Variants in KHDRBS3 observed in about 807,000 individuals in gnomAD.
KHDRBS3 encodes KH domain-containing, RNA-binding, signal transduction-associated protein 3.
Under a neutral mutation model 45.6 loss-of-function variants are expected in KHDRBS3, and 23 were observed. The observed-to-expected ratio is 0.50, with a 90% confidence interval of 0.36 to 0.72. The LOEUF is 0.72. Among genes scored for constraint, KHDRBS3 ranks in the 30% least tolerant of loss-of-function variants. KHDRBS3 has a pLI of 0.00. For synonymous variants in KHDRBS3, 162 were observed against 156.5 expected (o/e 1.04, Z -0.26); for missense variants, 352 against 424.8 (o/e 0.83, Z 1.51).
chr8:135,515,345 G>C (rs935673066), intron 1 of KHDRBS3, among the ~76,000 whole-genome samples: 2 of 108,272 alleles, frequency 1.8e-5, no homozygotes, highest in South Asian at 3.4e-4. Flanking sequence ...CAGCCTGGGC[G>C]ACAGAGCGAG....
intron 2 of KHDRBS3, chr8:135,538,430 G>A (rs1188505604): frequency 6.6e-6 from 1 of 152,148 alleles, no homozygotes; most frequent in Non-Finnish European, 1.5e-5. Context: ...TCCTCTGTGA[G>A]TCTTATCTAA....
intron 1 of KHDRBS3, among the ~76,000 whole-genome samples, chr8:135,503,196 T>A (rs927546292): frequency 6.6e-6 from 1 of 152,244 alleles, no homozygotes; most frequent in Non-Finnish European, 1.5e-5. Flanking sequence ...AATATACTTG[T>A]GTATAATATA....
intron 5 of KHDRBS3, among the ~76,000 whole-genome samples, chr8:135,558,207 A>G (rs957552525): frequency 1.1e-4 from 16 of 152,152 alleles, no homozygotes; most frequent in Non-Finnish European, 1.8e-4. Context: ...GCATCTGTAA[A>G]TTCCTGAGCT....
At chr8:135,535,696 G>A (rs111713299) in intron 2 of KHDRBS3, among the ~76,000 whole-genome samples, 40 of 152,186 alleles carry the variant, frequency 2.6e-4, no homozygotes, top group African/African-American at 8.9e-4. Flanking sequence ...TTAAATACCA[G>A]AAGGTATCCC....
chr8:135,598,272 A>G (rs192311330), intron 6 of KHDRBS3, among the ~76,000 whole-genome samples: 2 of 152,362 alleles, frequency 1.3e-5, no homozygotes, highest in Non-Finnish European at 2.9e-5. Context: ...TTCAGCTAAA[A>G]CAAAACTACC....
intron 7 of KHDRBS3, among the ~76,000 whole-genome samples, chr8:135,639,195 A>AT (rs748243398): frequency 1.5e-4 from 23 of 152,134 alleles, no homozygotes; most frequent in Non-Finnish European, 3.1e-4. Flanking sequence ...AAGAGGAGTA[A>AT]TGGTGGTGAT....
At chr8:135,538,577 A>C (rs1825885439) in intron 2 of KHDRBS3, 1 of 152,168 alleles carries the variant, frequency 6.6e-6, no homozygotes, top group African/African-American at 2.4e-5. Context: ...CGTGCTTAAC[A>C]CTTTATCTGA....
At chr8:135,478,453 T>G (rs1201901583) in intron 1 of KHDRBS3, among the ~76,000 whole-genome samples, 3 of 152,182 alleles carry the variant, frequency 2.0e-5, no homozygotes, top group Admixed American at 6.5e-5. Context: ...AATAGTAGAT[T>G]TGAACAACAT....
chr8:135,653,079 C>T (rs1433608250), intron 4 of KHDRBS3, among the ~76,000 whole-genome samples: 1 of 152,096 alleles, frequency 6.6e-6, no homozygotes, highest in Non-Finnish European at 1.5e-5. Flanking sequence ...TGTCTGCTGC[C>T]TAACACAGGT....
rs59502823 is a variant in KHDRBS3 at position 135,515,365 on chromosome 8, TAAAAAAAAAAAAAAAAA to T, written c.89-5851_89-5835del. Among the ~76,000 whole-genome samples the T allele has an allele frequency of 1.4e-3, 56 of 39,740 alleles. 1 individual carries two copies. Among genetic ancestry groups the T allele is most frequent in the Middle Eastern group, 0.016 (1 of 62 alleles). 26.1% of individuals were successfully genotyped at this position (39,740 alleles called of 152,430 possible). On this transcript the variant is annotated intron_variant, in intron 1 of 8. Transcript: ENST00000355849. ...TGGGCGACAGAGCGAGACTCCGTCTTAAAAAAAAAAAAAAAAAAAAAAAAAAAAAAAAAAAAAGATTC... is the reference window on the plus strand; with the variant it reads ...TGGGCGACAGAGCGAGACTCCGTCTTAAAAAAAAAAAAAAAAAAAAGATTC...
At chr8:135,575,021 G>A (rs1827885645) in intron 5 of KHDRBS3, among the ~76,000 whole-genome samples, 4 of 152,146 alleles carry the variant, frequency 2.6e-5, no homozygotes, top group Non-Finnish European at 4.4e-5. Flanking sequence ...AAGCTAGTAA[G>A]TACATGAGGA....
At chr8:135,497,199 T>G (rs1004121544) in intron 1 of KHDRBS3, among the ~76,000 whole-genome samples, 1 of 152,192 alleles carries the variant, frequency 6.6e-6, no homozygotes, top group Non-Finnish European at 1.5e-5. Context: ...TTAGAGCCCA[T>G]TGGTATCGTC....
chr8:135,648,112 A>G (rs1197981435), downstream of KHDRBS3: 1 of 152,204 alleles, frequency 6.6e-6, no homozygotes, highest in Non-Finnish European at 1.5e-5. Flanking sequence ...AACGGTCTTC[A>G]TTTTCAAAGG....
At chr8:135,493,896 T>C (rs144354205) in intron 1 of KHDRBS3, among the ~76,000 whole-genome samples, 5 of 152,306 alleles carry the variant, frequency 3.3e-5, no homozygotes, top group African/African-American at 1.2e-4. Flanking sequence ...CCTAGAGTTT[T>C]CTTTGAGAAA....
At chr8:135,634,515 G>C (rs1050084833) in intron 7 of KHDRBS3, among the ~76,000 whole-genome samples, 10 of 152,144 alleles carry the variant, frequency 6.6e-5, no homozygotes, top group Admixed American at 1.3e-4. Context: ...AAATGAATGT[G>C]ATTTTTAATT....
At chr8:135,631,933 G>A (rs746381143) in intron 7 of KHDRBS3, among the ~76,000 whole-genome samples, 7 of 152,122 alleles carry the variant, frequency 4.6e-5, no homozygotes, top group Admixed American at 3.3e-4. Context: ...GTAATGCATT[G>A]CGCTATGATG....
Position 135,457,483 on chromosome 8 carries a change from C to G in KHDRBS3, c.-384C>G, listed in dbSNP as rs1398438676. The G allele has an allele frequency of 6.8e-6, 1 of 147,298 alleles. No homozygotes were observed. Among genetic ancestry groups the G allele is most frequent in the Non-Finnish European group, 1.5e-5 (1 of 66,342 alleles). 9.1% of individuals were successfully genotyped at this position (147,298 alleles called of 1,614,324 possible). A position where few individuals can be genotyped will look rare whatever the true frequency, so the allele number is the denominator to read the frequency against. ...AGTGCGCGGGGCGGCGCGCGGCGTG[C>G]AGGTCGCAGCTGTGGCTCGGGTGCT... On this transcript the variant is annotated 5_prime_UTR_variant, in exon 1 of 9. Coordinates refer to ENST00000355849, the MANE Select transcript of KHDRBS3 (RefSeq NM_006558.3). The surrounding 1 kb of genome is among the most constrained non-coding windows in gnomAD (Gnocchi z 4.4).
chr8:135,474,567 C>T (rs1307944743), intron 1 of KHDRBS3, among the ~76,000 whole-genome samples: 2 of 152,190 alleles, frequency 1.3e-5, no homozygotes, highest in Non-Finnish European at 2.9e-5. Context: ...TTCTTTGTGG[C>T]AAGTCCTTGA....
rs1831229904 is a variant in KHDRBS3 at position 135,645,131 on chromosome 8, C to T, written c.949+14C>T. Reference sequence around the variant, plus strand: ...ATGATTCCTACGGTGAGTGACTGGCCAGAGCATGTGAAGAGAGGGAGGAGA... The same window carrying T: ...ATGATTCCTACGGTGAGTGACTGGCTAGAGCATGTGAAGAGAGGGAGGAGA... On this transcript the variant is annotated intron_variant, in intron 8 of 8. Coordinates refer to ENST00000355849, the MANE Select transcript of KHDRBS3 (RefSeq NM_006558.3). The T allele has an allele frequency of 6.2e-7, 1 of 1,612,848 alleles. No homozygotes were observed. Among genetic ancestry groups the T allele is most frequent in the African/African-American group, 1.3e-5 (1 of 74,782 alleles).
Sources: gnomAD v4.1 joint callset for allele counts (sites outside exome capture counted in the v4.1 genomes callset) on GRCh38, gnomAD v4.1.1 for gene constraint, Gnocchi (gnomAD v3.1) non-coding constraint, MANE v1.5 for transcripts, NCBI Gene and HGNC (gene_info 2026-07-23, HGNC 2026-07-21) for gene names.